The following DPP8 variants were observed in gnomAD, a reference collection of about 807,000 sequenced individuals.
DPP8 encodes dipeptidyl peptidase 8.
Under a neutral mutation model 107.5 loss-of-function variants are expected in DPP8, and 31 were observed. The ratio of observed to expected loss-of-function variants is 0.29; its 90% confidence interval spans 0.22 to 0.39. DPP8 has a LOEUF of 0.39. Ranked by LOEUF, DPP8 falls within the 10% of genes least tolerant of loss-of-function variation. The probability of loss-of-function intolerance (pLI) is 1.00; values close to 1 mark genes in which losing one functional copy is unlikely to be tolerated. For synonymous variants in DPP8, 381 were observed against 356.6 expected (o/e 1.07, Z -0.77); for missense variants, 842 against 1,076.1 (o/e 0.78, Z 3.04).
At chr15:65,512,678 T>C in intron 1 of DPP8, 114 bp from the exon 2 acceptor site, 1 of 1,037,224 alleles carries the variant, frequency 9.6e-7, no homozygotes, top group South Asian at 1.6e-5. Context: ...AAAAAAATGC[T>C]TTTTAGCACA....
chr15:65,486,034 A>T (rs1283924289), intron 7 of DPP8, among the ~76,000 whole-genome samples: 1 of 143,600 alleles, frequency 7.0e-6, no homozygotes, highest in Admixed American at 7.0e-5. Flanking sequence ...GCAGAGGTTG[A>T]AGTGAGCTGA....
Position 65,512,420 on chromosome 15 carries a change from A to G in DPP8, c.134T>C (p.Leu45Pro). The change falls in exon 2 of 20, where the codon CTT (leucine) becomes CCT (proline). Residue 45 changes from leucine to proline, a missense_variant. Coordinates refer to ENST00000300141, the MANE Select transcript of DPP8 (RefSeq NM_130434.5). The part of the protein sequence containing the change: ...FYVERYSWSQ[L>P]KKLLADTRKY... ...TCTGGTATCGGCAAGCAGCTTTTTA[A>G]GCTGACTCCAGGAATACCGCTCAAC... The G allele has an allele frequency of 6.2e-7, 1 of 1,614,166 alleles. No homozygotes were observed. Among genetic ancestry groups the G allele is most frequent in the Non-Finnish European group, 8.5e-7 (1 of 1,180,030 alleles).
chr15:65,500,491 C>A (rs2069102685), intron 4 of DPP8, 115 bp downstream of exon 4: 4 of 742,058 alleles, frequency 5.4e-6, no homozygotes, highest in South Asian at 4.1e-5. Context: ...TATTAAATTT[C>A]TTTGTTGGTG....
At position 65,464,108 on chromosome 15, in the gene DPP8, A is replaced by T. The variant is rs572731060; in HGVS notation, c.1826-202T>A. On this transcript the variant is annotated intron_variant, in intron 14 of 19. Transcript: ENST00000300141. ...GCCGGGCGCAGTGGCTCATGCCTGT[A>T]ATCCCAGCACTTTGGGAGGCCGAGG... Among the ~76,000 whole-genome samples, 6 of 152,338 alleles carry T rather than the reference A, an allele frequency of 3.9e-5. No individual in the cohort carries two copies. The South Asian group carries it at 1.2e-3, about 32-fold the overall frequency.
Position 65,445,355 on chromosome 15 carries a change from T to TAAA in DPP8, c.*1526_*1528dup, listed in dbSNP as rs1246021877. On this transcript the variant is annotated 3_prime_UTR_variant, in exon 20 of 20. Coordinates refer to ENST00000300141, the MANE Select transcript of DPP8 (RefSeq NM_130434.5). ...ACTTTCTAAACACTGAAGTGTGTGA[T>TAAA]AAAAAGCATCAAACTCATAGATGCC... The TAAA allele has an allele frequency of 6.6e-6, 1 of 152,216 alleles. No homozygotes were observed. Among genetic ancestry groups the TAAA allele is most frequent in the Admixed American group, 6.5e-5 (1 of 15,272 alleles). 9.4% of individuals were successfully genotyped at this position (152,216 alleles called of 1,614,324 possible). A position where few individuals can be genotyped will look rare whatever the true frequency, so the allele number is the denominator to read the frequency against.
chr15:65,452,132 TG>T, intron 17 of DPP8, 30 bp from the exon 18 acceptor site: 1 of 1,586,902 alleles, frequency 6.3e-7, no homozygotes, highest in Non-Finnish European at 8.5e-7. Context: ...CAGTCAAGTG[TG>T]GTCTGGAAAA....
At chr15:65,499,277 G>A (rs2068949216) in intron 4 of DPP8, among the ~76,000 whole-genome samples, 1 of 151,528 alleles carries the variant, frequency 6.6e-6, no homozygotes, top group Admixed American at 6.6e-5. Flanking sequence ...CGCCCAGGGT[G>A]GAGGACAGTA....
intron 1 of DPP8, chr15:65,517,218 A>C (rs564339741): frequency 6.6e-6 from 1 of 152,388 alleles, no homozygotes; most frequent in African/African-American, 2.4e-5. Context: ...GGAAGCCAGG[A>C]GGCCAGCGCC....
intron 2 of DPP8, 72 bp downstream of exon 2, chr15:65,512,223 G>T: frequency 7.0e-7 from 1 of 1,435,230 alleles, no homozygotes; most frequent in Non-Finnish European, 9.5e-7. Flanking sequence ...ACTTTTGAGT[G>T]TCAATTATAC....
intron 7 of DPP8, among the ~76,000 whole-genome samples, chr15:65,486,677 T>C: frequency 6.6e-6 from 1 of 152,150 alleles, no homozygotes; most frequent in Non-Finnish European, 1.5e-5. Context: ...AATAATGGCA[T>C]TCACAGCAAC....
chr15:65,483,924 T>C (rs1202240410), intron 8 of DPP8, among the ~76,000 whole-genome samples: 1 of 152,196 alleles, frequency 6.6e-6, no homozygotes, highest in African/African-American at 2.4e-5. Flanking sequence ...TGGTACAACA[T>C]GGATGGACCT....
chr15:65,510,188 C>T (rs1331686766), intron 2 of DPP8, among the ~76,000 whole-genome samples: 2 of 151,476 alleles, frequency 1.3e-5, no homozygotes, highest in African/African-American at 2.4e-5. Flanking sequence ...TGGTGGCACA[C>T]GCCTGTAGGC....
At chr15:65,506,921 T>C (rs919759903) in intron 3 of DPP8, among the ~76,000 whole-genome samples, 1 of 151,806 alleles carries the variant, frequency 6.6e-6, no homozygotes, top group Admixed American at 6.6e-5. Context: ...AATTAAAATA[T>C]ATAAATAAGC....
At position 65,515,714 on chromosome 15, in the gene DPP8, G is replaced by A. The variant is rs764013409; in HGVS notation, c.-12+1772C>T. ...ACATTCAAAGAGATCTTTTTCAAGTGACTCGACTTCAAGCATAGAATCCCT... is the reference window on the plus strand; with the variant it reads ...ACATTCAAAGAGATCTTTTTCAAGTAACTCGACTTCAAGCATAGAATCCCT... On this transcript the variant is annotated intron_variant, in intron 1 of 19. Coordinates refer to ENST00000300141, the MANE Select transcript of DPP8 (RefSeq NM_130434.5). The A allele has an allele frequency of 6.2e-6, 10 of 1,612,426 alleles. No individual in the cohort carries two copies. The South Asian group carries it at 9.9e-5, about 16-fold the overall frequency.
At chr15:65,448,208 G>C (rs755466794) in intron 19 of DPP8, among the ~76,000 whole-genome samples, 16 of 151,750 alleles carry the variant, frequency 1.1e-4, no homozygotes, top group Non-Finnish European at 2.1e-4. Context: ...ATCATAGTAA[G>C]ACTCTATTTA....
At chr15:65,461,376 T>C (rs1431475911) in intron 15 of DPP8, among the ~76,000 whole-genome samples, 1 of 152,060 alleles carries the variant, frequency 6.6e-6, no homozygotes, top group African/African-American at 2.4e-5. Context: ...ACTCCTAGGC[T>C]CAAGTGATCC....
intron 16 of DPP8, chr15:65,455,442 C>CT (rs1371241240): frequency 4.9e-6 from 1 of 202,242 alleles, no homozygotes; most frequent in East Asian, 1.4e-4. Context: ...CCTACTTCTC[C>CT]TTTTTAATTT....
intron 6 of DPP8, among the ~76,000 whole-genome samples, chr15:65,488,684 T>C (rs2067692261): frequency 7.0e-6 from 1 of 143,312 alleles, no homozygotes; most frequent in Admixed American, 6.9e-5. Context: ...CACATAAGAA[T>C]AAGTATTGCT....
intron 19 of DPP8, 69 bp from the exon 20 acceptor site, chr15:65,447,075 T>C: frequency 8.0e-7 from 1 of 1,247,444 alleles, no homozygotes; most frequent in Non-Finnish European, 1.1e-6. Context: ...CTTCCAAAGC[T>C]TTCCAGAGAT....
Sources: gnomAD v4.1 joint callset for allele counts (sites outside exome capture counted in the v4.1 genomes callset) on GRCh38, gnomAD v4.1.1 for gene constraint, MANE v1.5 for transcripts, NCBI Gene and HGNC (gene_info 2026-07-23, HGNC 2026-07-21) for gene names.